Variants in NCKAP5 observed in about 807,000 individuals in gnomAD.
The protein encoded by NCKAP5 is nck-associated protein 5.
Under a neutral mutation model 167.0 loss-of-function variants are expected in NCKAP5, and 92 were observed. That is an observed-to-expected ratio of 0.55 (90% CI 0.47 to 0.66). The LOEUF (loss-of-function observed/expected upper bound fraction) is 0.66. NCKAP5 is among the 30% of genes least tolerant of loss of function. The pLI, the probability that NCKAP5 is intolerant of heterozygous loss-of-function variation, is 0.00. For synonymous variants in NCKAP5, 891 were observed against 877.4 expected (o/e 1.02, Z -0.27); for missense variants, 2,378 against 2,315.0 (o/e 1.03, Z -0.56).
At chr2:132,972,862 C>CA (rs1287407851) in intron 7 of NCKAP5, among the ~76,000 whole-genome samples, 2,048 of 92,704 alleles carry the variant, frequency 0.022, 24 homozygotes, top group Middle Eastern at 0.093. Context: ...ACTCCATCTC[C>CA]AAAAAAAAAA....
chr2:133,600,147 G>A, the NCKAP5 span, among the ~76,000 whole-genome samples: 2 of 152,228 alleles, frequency 1.3e-5, no homozygotes, highest in Non-Finnish European at 2.9e-5. Context: ...ACTTGAAAAA[G>A]CTGAAGCATG....
intron 4 of NCKAP5, among the ~76,000 whole-genome samples, chr2:133,278,909 G>A (rs897925445): frequency 5.3e-5 from 8 of 152,022 alleles, no homozygotes; most frequent in Non-Finnish European, 1.2e-4. Flanking sequence ...CATAGGAAGA[G>A]GTAGTCAAGC....
intron 19 of NCKAP5, among the ~76,000 whole-genome samples, chr2:132,676,267 G>A (rs372780453): frequency 6.9e-6 from 1 of 145,726 alleles, no homozygotes; most frequent in Non-Finnish European, 1.5e-5. Flanking sequence ...TTCTGAGCTA[G>A]GGATGTTGTT....
At chr2:133,403,969 CT>C (rs928947246) in intron 3 of NCKAP5, among the ~76,000 whole-genome samples, 2 of 151,972 alleles carry the variant, frequency 1.3e-5, no homozygotes, top group African/African-American at 4.8e-5. Flanking sequence ...TGTGATGAGC[CT>C]TGGCCCTTGC....
rs144280659 is a variant in NCKAP5 at position 133,503,580 on chromosome 2, C to G, written c.69+13878G>C. On this transcript the variant is annotated intron_variant, in intron 3 of 19. Transcript: ENST00000409261. ...CACACTTATCAACATGGGCAGTGAT[C>G]TTTGGTTGGACCTTCTCTGGGCAAA... Among the ~76,000 whole-genome samples, 718 of 152,282 alleles carry G rather than the reference C, an allele frequency of 4.7e-3. 1 individual carries two copies. The highest frequency in any genetic ancestry group is 0.014 in the Middle Eastern group (4 of 294).
chr2:133,003,041 G>A (rs951076322), intron 6 of NCKAP5, among the ~76,000 whole-genome samples: 3 of 152,112 alleles, frequency 2.0e-5, no homozygotes, highest in African/African-American at 4.8e-5. Flanking sequence ...TTTTTGTTAC[G>A]TTGAATGTCT....
rs559203018 is a variant in NCKAP5 at position 133,383,784 on chromosome 2, G to A, written c.70-80674C>T. ...AACTGGTGTGAGATGGTATCTCATT[G>A]TGGTTTTGATTTGCATTTCTCTGAT... On this transcript the variant is annotated intron_variant, in intron 3 of 19. Coordinates refer to ENST00000409261, the MANE Select transcript of NCKAP5 (RefSeq NM_207363.3). Among the ~76,000 whole-genome samples, 3 of 152,248 alleles carry A rather than the reference G, an allele frequency of 2.0e-5. No individual in the cohort carries two copies. The East Asian group carries it at 5.8e-4, about 29-fold the overall frequency.
At chr2:132,778,542 A>T (rs1240592697) in intron 15 of NCKAP5, among the ~76,000 whole-genome samples, 1 of 152,154 alleles carries the variant, frequency 6.6e-6, no homozygotes, top group African/African-American at 2.4e-5. Flanking sequence ...AGAACAAAAG[A>T]TGGTGGTATA....
At chr2:132,838,992 G>A (rs1688098964) in intron 11 of NCKAP5, among the ~76,000 whole-genome samples, 1 of 152,044 alleles carries the variant, frequency 6.6e-6, no homozygotes, top group Admixed American at 6.6e-5. Flanking sequence ...CATGTTTGTG[G>A]GCCATTTGGA....
At chr2:133,259,182 G>A (rs1390492737) in intron 4 of NCKAP5, among the ~76,000 whole-genome samples, 1 of 151,990 alleles carries the variant, frequency 6.6e-6, no homozygotes, top group East Asian at 1.9e-4. Context: ...TCCCCCAGCT[G>A]GCCTATCCCA....
intron 10 of NCKAP5, among the ~76,000 whole-genome samples, chr2:132,863,149 CTCTG>C (rs905506578): frequency 2.6e-5 from 4 of 152,128 alleles, no homozygotes; most frequent in South Asian, 2.1e-4. Flanking sequence ...AGAATTCAAC[CTCTG>C]TCTGTGTCTC....
chr2:132,929,436 G>A lies in NCKAP5; in HGVS notation c.579+34284C>T, dbSNP rs186008098. 1.4e-4 allele frequency among the ~76,000 whole-genome samples: 21 copies of A among 152,162 alleles called. No individual in the cohort carries two copies. The East Asian group carries it at 2.3e-3, about 17-fold the overall frequency. ...GCTTTGCTTGATTTGTGTTACCTGA[G>A]TTAACAAATAAAAGGTTAAAAAACC... On this transcript the variant is annotated intron_variant, in intron 8 of 19. Transcript: ENST00000409261.
chr2:133,168,987 G>A (rs1030779591), intron 5 of NCKAP5, among the ~76,000 whole-genome samples: 4 of 152,078 alleles, frequency 2.6e-5, no homozygotes, highest in Admixed American at 2.6e-4. Flanking sequence ...TGGGACCCAG[G>A]GGACATGCTA....
intron 4 of NCKAP5, among the ~76,000 whole-genome samples, chr2:133,272,257 T>C (rs543927581): frequency 6.6e-6 from 1 of 150,988 alleles, no homozygotes; most frequent in East Asian, 1.9e-4. Flanking sequence ...ATAAAAGAAA[T>C]GAAATCAAAG....
intron 19 of NCKAP5, among the ~76,000 whole-genome samples, chr2:132,701,308 GCCCAT>G (rs1177082762): frequency 6.6e-6 from 1 of 151,978 alleles, no homozygotes; most frequent in Admixed American, 6.6e-5. Context: ...TGCCATCTGG[GCCCAT>G]TACACACAAA....
intron 3 of NCKAP5, among the ~76,000 whole-genome samples, chr2:133,464,155 T>C (rs1692383195): frequency 6.6e-6 from 1 of 152,206 alleles, no homozygotes; most frequent in African/African-American, 2.4e-5. Context: ...CTTCTGGGAA[T>C]ATCTCACAGG....
intron 19 of NCKAP5, among the ~76,000 whole-genome samples, chr2:132,710,882 T>TA (rs1688771493): frequency 6.6e-6 from 1 of 151,468 alleles, no homozygotes; most frequent in Non-Finnish European, 1.5e-5. Context: ...GACAATTTTT[T>TA]TAAAAAAAAG....
intron 6 of NCKAP5, among the ~76,000 whole-genome samples, chr2:133,115,799 A>G (rs866169260): frequency 0.049 from 6,650 of 134,710 alleles, 687 homozygotes; most frequent in African/African-American, 0.18. Flanking sequence ...ATATATATAT[A>G]TATATATATA....
intron 3 of NCKAP5, among the ~76,000 whole-genome samples, chr2:133,406,006 C>A (rs958566991): frequency 6.6e-6 from 1 of 152,236 alleles, no homozygotes; most frequent in Non-Finnish European, 1.5e-5. Context: ...TCTGTATAAT[C>A]CCCGAATTGA....
Sources: gnomAD v4.1 joint callset for allele counts (sites outside exome capture counted in the v4.1 genomes callset) on GRCh38, gnomAD v4.1.1 for gene constraint, MANE v1.5 for transcripts, NCBI Gene and HGNC (gene_info 2026-07-23, HGNC 2026-07-21) for gene names.